PLD5: variants seen among roughly 807,000 people sequenced by gnomAD.
PLD5 encodes phospholipase D family member 5.
Under a neutral mutation model 61.1 loss-of-function variants are expected in PLD5, and 36 were observed. That is an observed-to-expected ratio of 0.59 (90% confidence interval 0.45 to 0.78). The LOEUF is 0.78. Among genes scored for constraint, PLD5 ranks in the 30% least tolerant of loss-of-function variants. PLD5 has a pLI of 0.00. For synonymous variants in PLD5, 243 were observed against 242.8 expected (o/e 1.00, Z -0.01); for missense variants, 515 against 644.4 (o/e 0.80, Z 2.17).
intron 4 of PLD5, among the ~76,000 whole-genome samples, chr1:242,234,366 A>G (rs1425714116): frequency 6.6e-6 from 1 of 152,212 alleles, no homozygotes; most frequent in African/African-American, 2.4e-5. Context: ...CTTAATGGCC[A>G]TCAGATCTCA....
chr1:242,441,830 T>C (rs1666290023), intron 1 of PLD5, among the ~76,000 whole-genome samples: 1 of 152,148 alleles, frequency 6.6e-6, no homozygotes, highest in Non-Finnish European at 1.5e-5. Context: ...AGTTGAAGCA[T>C]CAGTTATATC....
intron 1 of PLD5, among the ~76,000 whole-genome samples, chr1:242,449,824 G>A (rs1666707903): frequency 6.6e-6 from 1 of 152,176 alleles, no homozygotes; most frequent in Admixed American, 6.5e-5. Flanking sequence ...CAGAGTAAAG[G>A]AGAATCCTGC....
At chr1:242,370,903 A>AT (rs1399992211) in intron 1 of PLD5, among the ~76,000 whole-genome samples, 1 of 152,202 alleles carries the variant, frequency 6.6e-6, no homozygotes, top group Non-Finnish European at 1.5e-5. Context: ...CTCTTGCAAT[A>AT]TATCAAAATA....
At chr1:242,439,776 CCA>C (rs1666187114) in intron 1 of PLD5, among the ~76,000 whole-genome samples, 1 of 152,092 alleles carries the variant, frequency 6.6e-6, no homozygotes, top group Non-Finnish European at 1.5e-5. Flanking sequence ...TTGTTAAACT[CCA>C]GTTTCCCAGA....
At chr1:242,130,076 G>T (rs1459390498) in intron 5 of PLD5, among the ~76,000 whole-genome samples, 1 of 148,770 alleles carries the variant, frequency 6.7e-6, no homozygotes, top group African/African-American at 2.5e-5. Flanking sequence ...TTTTGAGATG[G>T]AGTCTCACTC....
At chr1:242,114,493 A>G (rs1404320969) in intron 6 of PLD5, among the ~76,000 whole-genome samples, 1 of 152,214 alleles carries the variant, frequency 6.6e-6, no homozygotes, top group Non-Finnish European at 1.5e-5. Flanking sequence ...ATAGTTAACT[A>G]CGGTCCTATA....
intron 5 of PLD5, among the ~76,000 whole-genome samples, chr1:242,152,400 G>C (rs1362282022): frequency 2.0e-5 from 3 of 151,976 alleles, no homozygotes; most frequent in African/African-American, 7.3e-5. Context: ...TACATGTACA[G>C]AATGTGCAGT....
rs534560008 is a variant in PLD5 at position 242,259,195 on chromosome 1, G to C, written c.607+6142C>G. ...ATGGTGGCACATGCCTCTAGTCCCAGCTACTGGGGAGGCTGAGGTGGGAGC... is the reference window on the plus strand; with the variant it reads ...ATGGTGGCACATGCCTCTAGTCCCACCTACTGGGGAGGCTGAGGTGGGAGC... On this transcript the variant is annotated intron_variant, in intron 4 of 9. Transcript: ENST00000536534. Among the ~76,000 whole-genome samples the C allele has an allele frequency of 1.2e-4, 18 of 152,202 alleles. No individual in the cohort carries two copies. In the South Asian group the frequency reaches 3.7e-3, roughly 32 times the overall value.
At chr1:242,508,638 C>G (rs1668806339) in intron 1 of PLD5, among the ~76,000 whole-genome samples, 1 of 152,184 alleles carries the variant, frequency 6.6e-6, no homozygotes, top group South Asian at 2.1e-4. Flanking sequence ...CCTCAACGCT[C>G]ACATTTTGCC....
At chr1:242,507,766 C>T (rs189428784) in intron 1 of PLD5, among the ~76,000 whole-genome samples, 1 of 152,164 alleles carries the variant, frequency 6.6e-6, no homozygotes, top group South Asian at 2.1e-4. Context: ...AGATAAATAG[C>T]CCAAATAACA....
At chr1:242,339,588 G>A (rs115271973) in intron 2 of PLD5, among the ~76,000 whole-genome samples, 70 of 152,282 alleles carry the variant, frequency 4.6e-4, no homozygotes, top group African/African-American at 1.6e-3. Flanking sequence ...TGCAAGTGAT[G>A]GTGGCTGAGT....
intron 1 of PLD5, among the ~76,000 whole-genome samples, chr1:242,471,800 A>G (rs1046294361): frequency 6.6e-6 from 1 of 152,194 alleles, no homozygotes; most frequent in Non-Finnish European, 1.5e-5. Flanking sequence ...TGAACTTTGA[A>G]GCCAATCAAG....
At chr1:242,187,331 G>T (rs1443065590) in intron 5 of PLD5, among the ~76,000 whole-genome samples, 3 of 152,160 alleles carry the variant, frequency 2.0e-5, no homozygotes, top group African/African-American at 4.8e-5. Flanking sequence ...GAGGATAAAG[G>T]CAGAAAGACC....
At chr1:242,362,420 T>A (rs755426292) in intron 1 of PLD5, among the ~76,000 whole-genome samples, 2 of 152,240 alleles carry the variant, frequency 1.3e-5, no homozygotes, top group African/African-American at 2.4e-5. Context: ...ATTTTCACTA[T>A]AGTTATTGTT....
intron 2 of PLD5, among the ~76,000 whole-genome samples, chr1:242,344,576 T>G (rs1054103022): frequency 6.6e-6 from 1 of 152,168 alleles, no homozygotes; most frequent in Non-Finnish European, 1.5e-5. Context: ...AATTAACATT[T>G]GCATATTATT....
At chr1:242,367,579 C>G (rs148193702) in intron 1 of PLD5, among the ~76,000 whole-genome samples, 97 of 152,330 alleles carry the variant, frequency 6.4e-4, no homozygotes, top group African/African-American at 2.1e-3. Context: ...CAGCAGCATA[C>G]TCAGTCTCTC....
intron 1 of PLD5, among the ~76,000 whole-genome samples, chr1:242,375,514 A>G (rs982469436): frequency 2.0e-5 from 3 of 152,192 alleles, no homozygotes; most frequent in Admixed American, 6.6e-5. Context: ...GATGGAGTGC[A>G]TAACACCTGA....
rs78666365 is a variant in PLD5, at chr1:242,256,969, TCTACCTAC to T, written c.607+8360_607+8367del. 4.0e-5 allele frequency among the ~76,000 whole-genome samples: 6 copies of T among 151,674 alleles called. No individual in the cohort carries two copies. Among genetic ancestry groups the T allele is most frequent in the African/African-American group, 1.2e-4 (5 of 41,134 alleles). On this transcript the variant is annotated intron_variant, in intron 4 of 9. Transcript: ENST00000536534. The surrounding 1 kb of genome is among the most constrained non-coding windows in gnomAD (Gnocchi z 5.7). The stretch of plus-strand genomic sequence containing the variant: ...ACCTACTGTCTTCTATCTATATCTA[TCTACCTAC>T]CTACCTACCTTCTTTCTATCATCTA...
chr1:242,125,047 T>A (rs552858696), intron 5 of PLD5, among the ~76,000 whole-genome samples: 18 of 151,998 alleles, frequency 1.2e-4, no homozygotes, highest in Non-Finnish European at 1.9e-4. Flanking sequence ...TCATGGATTC[T>A]GGCTGGAATC....
Sources: gnomAD v4.1 joint callset for allele counts (sites outside exome capture counted in the v4.1 genomes callset) on GRCh38, gnomAD v4.1.1 for gene constraint, Gnocchi (gnomAD v3.1) non-coding constraint, MANE v1.5 for transcripts, NCBI Gene and HGNC (gene_info 2026-07-23, HGNC 2026-07-21) for gene names.